GTPBP6: variants seen among roughly 807,000 people sequenced by gnomAD.
GTPBP6 encodes GTP binding protein 6.
A neutral mutation model predicts 28.9 loss-of-function variants in GTPBP6; 33 were observed. The observed-to-expected ratio is 1.14, with a 90% CI of 0.87 to 1.53. GTPBP6 has a LOEUF of 1.53. Among genes scored for constraint, GTPBP6 ranks in the 40% most tolerant of loss-of-function variants. The probability of loss-of-function intolerance (pLI) is 0.00; values close to 1 mark genes in which losing one functional copy is unlikely to be tolerated. For missense variants in GTPBP6, 507 were observed against 408.3 expected (o/e 1.24, Z -2.08); for synonymous variants, 231 against 192.7 (o/e 1.20, Z -1.65).
Position 316,621 on chromosome X carries a change from G to A in GTPBP6, c.487+293C>T, listed in dbSNP as rs2070445317. Among the ~76,000 whole-genome samples, 3 of 152,180 alleles carry A rather than the reference G, an allele frequency of 2.0e-5. No individual in the cohort carries two copies. In the East Asian group the frequency reaches 5.8e-4, roughly 29 times the overall value. On this transcript the variant is annotated intron_variant, in intron 2 of 9. Coordinates refer to ENST00000326153, the Ensembl canonical transcript of GTPBP6. ...GGCTGGGGCCTGCAGGGGCAGGTGG[G>A]GTTACAGCCGGTCCACCGCCTACCC...
chrX:309,231 C>T (rs369537275), intron 7 of GTPBP6, among the ~76,000 whole-genome samples: 127 of 152,192 alleles, frequency 8.3e-4, no homozygotes, highest in African/African-American at 2.8e-3. Flanking sequence ...TCCCCGTGCT[C>T]TTCATGCACT....
intron 7 of GTPBP6, among the ~76,000 whole-genome samples, chrX:309,029 AT>A (rs1411402645): frequency 6.6e-6 from 1 of 152,074 alleles, no homozygotes; most frequent in East Asian, 1.9e-4. Flanking sequence ...CCGGTCCATA[AT>A]TTATTGTCGG....
intron 7 of GTPBP6, among the ~76,000 whole-genome samples, chrX:309,974 CAG>C (rs2070250963): frequency 7.2e-6 from 1 of 139,466 alleles, no homozygotes; most frequent in Non-Finnish European, 1.5e-5. Context: ...AGGCCACAGA[CAG>C]AGGCAGAGAC....
At chrX:311,662 T>C (rs9635652) in intron 6 of GTPBP6, 35 bp from the exon 7 acceptor site, 287,777 of 1,520,446 alleles carry the variant, frequency 0.19, 30,626 homozygotes, top group African/African-American at 0.45. Flanking sequence ...GCTGCAGAGA[T>C]CCCTGCGTCC....
chrX:314,089 G>A (rs1281582994), intron 5 of GTPBP6, 61 bp downstream of exon 5: 2 of 1,174,778 alleles, frequency 1.7e-6, no homozygotes, highest in African/African-American at 2.3e-5. Flanking sequence ...TGAGAAGGGT[G>A]GCTGCCGCTG....
At chrX:305,086 G>A (rs1378069696) in exon 10 of GTPBP6, 2 of 1,613,198 alleles carry the variant, frequency 1.2e-6, no homozygotes, top group South Asian at 2.2e-5. Flanking sequence ...ATCCTGGAAA[G>A]AGCTTCCGGA....
chrX:316,383 C>T (rs1297440328), intron 2 of GTPBP6, among the ~76,000 whole-genome samples: 2 of 148,652 alleles, frequency 1.3e-5, no homozygotes, highest in Admixed American at 6.7e-5. Context: ...CACATCCCAG[C>T]AGGGGTGAGA....
intron 1 of GTPBP6, among the ~76,000 whole-genome samples, chrX:317,619 A>C (rs2124480258): frequency 6.6e-6 from 1 of 151,448 alleles, no homozygotes; most frequent in East Asian, 2.0e-4. Context: ...CCCTGACCTC[A>C]AACACACCGT....
At position 307,779 on chromosome X, in the gene GTPBP6, GA is replaced by G; in HGVS notation, c.1226del (p.Leu409ProfsTer39). The G allele has an allele frequency of 6.5e-7, 1 of 1,537,858 alleles. No homozygotes were observed. The highest frequency in any genetic ancestry group is 8.7e-7 in the Non-Finnish European group (1 of 1,143,498). On this transcript the variant is annotated frameshift_variant, in exon 8 of 10. Coordinates refer to ENST00000326153, the Ensembl canonical transcript of GTPBP6. LOFTEE classifies it high-confidence loss of function. Reference sequence around the variant, plus strand: ...TGTGAACCTCCACCATGGAGTCCAGGAGCGGGGCGGGCAGCTGCAGGCCACG... The same window carrying G: ...TGTGAACCTCCACCATGGAGTCCAGGGCGGGGCGGGCAGCTGCAGGCCACG...
chrX:305,331 T>G (rs1051637813), intron 9 of GTPBP6, 134 bp from the exon 10 acceptor site: 12 of 747,048 alleles, frequency 1.6e-5, no homozygotes, highest in Non-Finnish European at 2.4e-5. Flanking sequence ...TTTGTTTTTT[T>G]TTTTTTTTGA....
chrX:309,382 T>C (rs1002516783), intron 7 of GTPBP6, among the ~76,000 whole-genome samples: 3 of 152,130 alleles, frequency 2.0e-5, no homozygotes, highest in African/African-American at 7.2e-5. Context: ...AGAATTAAGA[T>C]CTCTGCGGAT....
exon 6 of GTPBP6, chrX:312,887 T>C (rs1338340849): frequency 6.2e-7 from 1 of 1,612,762 alleles, no homozygotes; most frequent in Non-Finnish European, 8.5e-7. Context: ...CCTCCTTCTC[T>C]CTCAGGAGAC....
At chrX:314,631 C>A (rs1257818828) in intron 4 of GTPBP6, among the ~76,000 whole-genome samples, 2 of 152,110 alleles carry the variant, frequency 1.3e-5, no homozygotes, top group African/African-American at 4.8e-5. Context: ...CGCCACCACG[C>A]CCGGCTAATT....
At chrX:307,797 C>A (rs1341612322) in exon 8 of GTPBP6, 13 of 1,547,834 alleles carry the variant, frequency 8.4e-6, no homozygotes, top group Admixed American at 2.1e-5. Context: ...CGGGCAGCTG[C>A]AGGCCACGCA....
chrX:304,998 GC>G, exon 10 of GTPBP6: 2 of 1,573,732 alleles, frequency 1.3e-6, no homozygotes, highest in Admixed American at 1.8e-5. Flanking sequence ...ACACCAAGCT[GC>G]CCCCAACACA....
exon 6 of GTPBP6, chrX:312,846 C>T (rs367857545): frequency 2.3e-4 from 375 of 1,612,806 alleles, no homozygotes; most frequent in Admixed American, 4.8e-4. Context: ...CCTCTTCTTG[C>T]GAAGCCTGTC....
chrX:308,181 G>A (rs1378030087), intron 7 of GTPBP6, among the ~76,000 whole-genome samples: 1 of 152,102 alleles, frequency 6.6e-6, no homozygotes, highest in African/African-American at 2.4e-5. Flanking sequence ...CCCACCCAGG[G>A]GGTCTTCATT....
intron 7 of GTPBP6, among the ~76,000 whole-genome samples, chrX:308,299 C>A (rs928409226): frequency 1.4e-4 from 21 of 151,908 alleles, no homozygotes; most frequent in Non-Finnish European, 2.8e-4. Context: ...ATCTTACAGG[C>A]AGGCTCCTTA....
In GTPBP6 at chrX:313,167, C is replaced by T. The variant is rs367815998; in HGVS notation, c.758-243G>A. Among the ~76,000 whole-genome samples, 20 of 152,298 alleles carry T rather than the reference C, an allele frequency of 1.3e-4. No homozygotes were observed. In the East Asian group the frequency reaches 1.7e-3, roughly 13 times the overall value. ...AGGTCAACGAGGGCTTCCCGTGACT[C>T]GGGGAGAAAGTAAAGGCCAGATCAC... On this transcript the variant is annotated intron_variant, in intron 5 of 9. Transcript: ENST00000326153.
Sources: allele counts gnomAD v4.1 joint callset (sites outside exome capture counted in the v4.1 genomes callset), GRCh38; gene constraint gnomAD v4.1.1; transcripts MANE v1.5; gene names NCBI Gene and HGNC (gene_info 2026-07-23, HGNC 2026-07-21).